ARSB: variants seen among roughly 807,000 people sequenced by gnomAD.
ARSB encodes N-acetylgalactosamine-4-sulfatase.
A neutral mutation model predicts 50.9 loss-of-function variants in ARSB; 41 were observed. The ratio of observed to expected loss-of-function variants is 0.81; its 90% CI spans 0.63 to 1.04. The LOEUF (loss-of-function observed/expected upper bound fraction) is 1.04. Ranked by LOEUF, ARSB falls within the 50% of genes least tolerant of loss-of-function variation. The pLI is 0.00. For synonymous variants in ARSB, 269 were observed against 284.8 expected (o/e 0.94, Z 0.56); for missense variants, 672 against 693.3 (o/e 0.97, Z 0.35).
intron 4 of ARSB, among the ~76,000 whole-genome samples, chr5:78,917,023 G>C (rs765555546): frequency 1.5e-4 from 23 of 152,186 alleles, no homozygotes; most frequent in Non-Finnish European, 3.2e-4. Context: ...TGCCAGGACA[G>C]AAACCAAACA....
At chr5:78,981,546 T>C (rs943960865) in intron 1 of ARSB, among the ~76,000 whole-genome samples, 1 of 152,236 alleles carries the variant, frequency 6.6e-6, no homozygotes, top group Admixed American at 6.5e-5. Flanking sequence ...TAATGTGCAT[T>C]TGCCAAGTTA....
At chr5:78,872,803 C>A in intron 5 of ARSB, among the ~76,000 whole-genome samples, 2 of 121,498 alleles carry the variant, frequency 1.6e-5, no homozygotes, top group Non-Finnish European at 1.7e-5. Context: ...TACCCTAAAA[C>A]TTAAAGTATA....
chr5:78,797,672 C>CT (rs1168138644), intron 6 of ARSB, among the ~76,000 whole-genome samples: 1 of 152,172 alleles, frequency 6.6e-6, no homozygotes, highest in Non-Finnish European at 1.5e-5. Context: ...AGCCATCCTG[C>CT]TTTTTGGGGT....
intron 5 of ARSB, among the ~76,000 whole-genome samples, chr5:78,849,844 A>C (rs1180348958): frequency 2.0e-5 from 3 of 149,414 alleles, no homozygotes; most frequent in African/African-American, 7.3e-5. Flanking sequence ...GAGTTCACTC[A>C]TGATTTGGCT....
chr5:78,855,346 C>A (rs1164380394), intron 5 of ARSB, among the ~76,000 whole-genome samples: 3 of 152,214 alleles, frequency 2.0e-5, no homozygotes, highest in Non-Finnish European at 2.9e-5. Flanking sequence ...TTTCTCTGAG[C>A]AGTCAAAGTA....
rs750093168 is a variant in ARSB, at chr5:78,780,439, G to A, written c.1560C>T (p.Arg520=). Residue 520 remains arginine (R), a synonymous_variant, in exon 8 of 8, where the codon CGC becomes CGT. Coordinates refer to ENST00000264914, the MANE Select transcript of ARSB (RefSeq NM_000046.5). ...ACACCCCAGTGGCCTTGGGATCACAGCGGGGGTCCTGTGCAGGGAAGTACA... is the reference window on the plus strand; with the variant it reads ...ACACCCCAGTGGCCTTGGGATCACAACGGGGGTCCTGTGCAGGGAAGTACA... ...VPVYFPAQDP[R]CDPKATGVWG... 3.7e-6 allele frequency: 6 copies of A among 1,614,152 alleles called. No homozygotes were observed. Among genetic ancestry groups the A allele is most frequent in the Non-Finnish European group, 5.1e-6 (6 of 1,180,028 alleles).
intron 1 of ARSB, among the ~76,000 whole-genome samples, chr5:78,984,673 G>T (rs1302162249): frequency 6.6e-6 from 1 of 152,138 alleles, no homozygotes; most frequent in African/African-American, 2.4e-5. Flanking sequence ...CGGAGCTTCA[G>T]AAAACGAAAG....
intron 6 of ARSB, among the ~76,000 whole-genome samples, chr5:78,824,604 C>A (rs1199205628): frequency 6.6e-6 from 1 of 152,178 alleles, no homozygotes; most frequent in African/African-American, 2.4e-5. Context: ...AATGTTTTCA[C>A]CTAGTATTCC....
chr5:78,963,446 A>G (rs1019713585), intron 3 of ARSB, among the ~76,000 whole-genome samples: 4 of 152,230 alleles, frequency 2.6e-5, no homozygotes, highest in African/African-American at 9.6e-5. Flanking sequence ...GGAAATTGGA[A>G]GAACCAGGGA....
chr5:78,796,398 G>A (rs979043866), intron 6 of ARSB, among the ~76,000 whole-genome samples: 4 of 152,196 alleles, frequency 2.6e-5, no homozygotes, highest in Non-Finnish European at 4.4e-5. Context: ...AAAGTGCTAG[G>A]AGATTCCAAA....
At chr5:78,877,174 C>G (rs1398804680) in intron 5 of ARSB, among the ~76,000 whole-genome samples, 1 of 152,056 alleles carries the variant, frequency 6.6e-6, no homozygotes, top group Non-Finnish European at 1.5e-5. Context: ...GGGAACAGTA[C>G]CCGTTCCCAT....
At chr5:78,902,166 G>T (rs562557512) in intron 4 of ARSB, among the ~76,000 whole-genome samples, 2 of 152,312 alleles carry the variant, frequency 1.3e-5, no homozygotes, top group African/African-American at 2.4e-5. Flanking sequence ...GAGACTGAGA[G>T]AACTCACTTT....
intron 4 of ARSB, among the ~76,000 whole-genome samples, chr5:78,906,585 T>G (rs541482082): frequency 6.6e-6 from 1 of 152,162 alleles, no homozygotes; most frequent in African/African-American, 2.4e-5. Flanking sequence ...CCATTCTCCA[T>G]TCACCTGATT....
At chr5:78,811,089 A>G (rs914937051) in intron 6 of ARSB, among the ~76,000 whole-genome samples, 2 of 152,228 alleles carry the variant, frequency 1.3e-5, no homozygotes, top group Non-Finnish European at 2.9e-5. Context: ...AGCGCAGTAC[A>G]GAAGCATGCG....
chr5:78,819,756 G>T (rs1013570513), intron 6 of ARSB, among the ~76,000 whole-genome samples: 39 of 152,224 alleles, frequency 2.6e-4, no homozygotes, highest in Non-Finnish European at 5.9e-5. Flanking sequence ...GACTGAAGGG[G>T]GCCACAGAGG....
At chr5:78,872,500 G>A in intron 5 of ARSB, among the ~76,000 whole-genome samples, 1 of 133,126 alleles carries the variant, frequency 7.5e-6, no homozygotes, top group Admixed American at 8.0e-5. Context: ...AAAATGATGA[G>A]TTCATGTCCT....
At chr5:78,951,885 A>C (rs1232734242) in intron 4 of ARSB, among the ~76,000 whole-genome samples, 1 of 152,204 alleles carries the variant, frequency 6.6e-6, no homozygotes, top group Non-Finnish European at 1.5e-5. Flanking sequence ...TATTTTATGA[A>C]GTGAGCACAA....
chr5:78,947,307 C>T (rs771486534), intron 4 of ARSB, among the ~76,000 whole-genome samples: 8 of 152,050 alleles, frequency 5.3e-5, no homozygotes, highest in Non-Finnish European at 1.0e-4. Context: ...AAAGCTCCTG[C>T]ACAGTAAAGA....
chr5:78,828,339 A>G (rs1291631260), intron 6 of ARSB, among the ~76,000 whole-genome samples: 2 of 152,180 alleles, frequency 1.3e-5, no homozygotes, highest in African/African-American at 4.8e-5. Flanking sequence ...ATGAAATCCC[A>G]TCTCCTTAGT....
Sources: allele counts gnomAD v4.1 joint callset (sites outside exome capture counted in the v4.1 genomes callset), GRCh38; gene constraint gnomAD v4.1.1; transcripts MANE v1.5; gene names NCBI Gene and HGNC (gene_info 2026-07-23, HGNC 2026-07-21).